EBF2: variants seen among roughly 807,000 people sequenced by gnomAD.
EBF2 encodes the protein EBF transcription factor 2.
A neutral mutation model predicts 72.8 loss-of-function variants in EBF2; 21 were observed. The observed-to-expected ratio is 0.29, with a 90% CI of 0.20 to 0.42. The LOEUF (loss-of-function observed/expected upper bound fraction) is 0.42, where lower values mean the gene tolerates loss of function less well. EBF2 is among the 10% of genes least tolerant of loss of function. The pLI, the probability that EBF2 is intolerant of heterozygous loss-of-function variation, is 1.00. For synonymous variants in EBF2, 299 were observed against 274.2 expected (o/e 1.09, Z -0.89); for missense variants, 637 against 731.2 (o/e 0.87, Z 1.49).
intron 6 of EBF2, among the ~76,000 whole-genome samples, chr8:26,000,037 C>A (rs1487103114): frequency 6.6e-6 from 1 of 152,150 alleles, no homozygotes; most frequent in East Asian, 1.9e-4. Context: ...AAACTCATAA[C>A]AGCGGGCCAT....
intron 6 of EBF2, among the ~76,000 whole-genome samples, chr8:26,020,169 T>C (rs1412600575): frequency 6.6e-6 from 1 of 152,178 alleles, no homozygotes; most frequent in African/African-American, 2.4e-5. Flanking sequence ...CTTTAAAAAC[T>C]CAGAAGCCAC....
In EBF2 at chr8:25,874,263, C is replaced by A. The variant is rs565569870; in HGVS notation, c.1010-11466G>T. On this transcript the variant is annotated intron_variant, in intron 10 of 15. Transcript: ENST00000520164. ...CACAGCTTTATGAAGGCAGGCCCCA[C>A]AATTCACACACAGCCTTGGGGAGGA... 4.1e-3 allele frequency among the ~76,000 whole-genome samples: 622 copies of A among 152,270 alleles called. 2 individuals are homozygous for A. Among genetic ancestry groups the A allele is most frequent in the Middle Eastern group, 0.01 (3 of 294 alleles).
At chr8:25,980,747 G>T (rs1370362688) in intron 6 of EBF2, among the ~76,000 whole-genome samples, 1 of 129,074 alleles carries the variant, frequency 7.7e-6, no homozygotes. Context: ...TTTCTAGACC[G>T]ATGACCTTTG....
chr8:25,845,125 A>ATT (rs531197690), intron 15 of EBF2, among the ~76,000 whole-genome samples: 42 of 149,476 alleles, frequency 2.8e-4, no homozygotes, highest in African/African-American at 9.8e-4. Context: ...TGGTGAGTGC[A>ATT]TTTTTTTTTT....
chr8:26,036,210 C>T (rs1476456502), intron 5 of EBF2, among the ~76,000 whole-genome samples: 1 of 152,176 alleles, frequency 6.6e-6, no homozygotes, highest in African/African-American at 2.4e-5. Flanking sequence ...ATTCAGCTGC[C>T]TTCCGTGGGG....
rs1801751412 is a variant in EBF2, at chr8:25,841,943, G to T, written c.*2666C>A. 6.6e-6 allele frequency: 1 copy of T among 152,178 alleles called. No individual in the cohort carries two copies. Among genetic ancestry groups the T allele is most frequent in the Non-Finnish European group, 1.5e-5 (1 of 68,022 alleles). The allele number at this position is 152,178 out of a possible 1,614,324, so 9.4% of individuals were successfully genotyped here. A position where few individuals can be genotyped will look rare whatever the true frequency, so the allele number is the denominator to read the frequency against. The stretch of plus-strand genomic sequence containing the variant: ...AAATGAAACTATACAGTGTGAAAAT[G>T]AAACCTTACTGTACAAAAGGTAGAG... On this transcript the variant is annotated 3_prime_UTR_variant, in exon 16 of 16. Transcript: ENST00000520164.
intron 4 of EBF2, 57 bp from the exon 5 acceptor site, chr8:26,040,158 A>G: frequency 1.3e-6 from 2 of 1,556,446 alleles, no homozygotes; most frequent in Non-Finnish European, 1.8e-6. Context: ...GGGGCAAGGA[A>G]AGAAGGGACT....
At position 26,042,256 on chromosome 8, in the gene EBF2, A is replaced by C; in HGVS notation, c.132-5T>G. 2 of 1,611,058 alleles carry C rather than the reference A, an allele frequency of 1.2e-6. No individual in the cohort carries two copies. Among genetic ancestry groups the C allele is most frequent in the Non-Finnish European group, 1.7e-6 (2 of 1,178,336 alleles). On this transcript the variant is annotated splice_region_variant and splice_polypyrimidine_tract_variant and intron_variant, in intron 1 of 15. Transcript: ENST00000520164. ...GCCCGGGACAGGGCGACCCCGCTGCACAGGGAGAAAAACGGGGGAACACAA... is the reference window on the plus strand; with the variant it reads ...GCCCGGGACAGGGCGACCCCGCTGCCCAGGGAGAAAAACGGGGGAACACAA...
intron 15 of EBF2, among the ~76,000 whole-genome samples, chr8:25,849,583 G>A (rs1028849667): frequency 2.0e-5 from 3 of 152,126 alleles, no homozygotes; most frequent in African/African-American, 7.2e-5. Flanking sequence ...CATGAGAGGA[G>A]CAGCCTAAAA....
intron 6 of EBF2, among the ~76,000 whole-genome samples, chr8:25,970,893 C>T (rs1347944175): frequency 2.0e-5 from 3 of 152,226 alleles, no homozygotes; most frequent in African/African-American, 2.4e-5. Flanking sequence ...AGTGCAGTGG[C>T]GCGATCACAG....
At chr8:25,885,697 C>CAA (rs1457558272) in intron 10 of EBF2, among the ~76,000 whole-genome samples, 9 of 152,180 alleles carry the variant, frequency 5.9e-5, no homozygotes, top group African/African-American at 2.2e-4. Flanking sequence ...TAGTGGGTTC[C>CAA]CCTTCACTTG....
intron 6 of EBF2, among the ~76,000 whole-genome samples, chr8:26,027,504 G>A (rs551966510): frequency 1.3e-5 from 2 of 152,362 alleles, no homozygotes; most frequent in South Asian, 4.1e-4. Flanking sequence ...TATAAACAAG[G>A]ATTGGTAAGG....
rs191407469 is a variant in EBF2 at position 25,930,005 on chromosome 8, A to T, written c.552-21450T>A. On this transcript the variant is annotated intron_variant, in intron 6 of 15. Coordinates refer to ENST00000520164, the MANE Select transcript of EBF2 (RefSeq NM_022659.4). ...AAAATAATGAGGCAGTATCTTATGA[A>T]GTGAATTTTCTATAATTACTTCAAT... Among the ~76,000 whole-genome samples, 48 of 152,366 alleles carry T rather than the reference A, an allele frequency of 3.2e-4. No homozygotes were observed. The East Asian group carries it at 9.3e-3, about 29-fold the overall frequency.
In EBF2 at chr8:26,044,990, A is replaced by G; in HGVS notation, c.-131T>C. 1 of 942,744 alleles carries G rather than the reference A, an allele frequency of 1.1e-6. No individual in the cohort carries two copies. The highest frequency in any genetic ancestry group is 2.0e-5 in the South Asian group (1 of 50,774). The allele number at this position is 942,744 out of a possible 1,614,324, so 58.4% of individuals were successfully genotyped here. ...AAAAGGGATCAAGTGCCCAAGTTTG[A>G]GTCTTAGAAAAAAAAAAAAGATAAC... On this transcript the variant is annotated 5_prime_UTR_variant, in exon 1 of 16. Transcript: ENST00000520164. The surrounding 1 kb of genome is among the most constrained non-coding windows in gnomAD (Gnocchi z 4.1).
intron 6 of EBF2, among the ~76,000 whole-genome samples, chr8:26,005,555 T>TAG (rs1489907148): frequency 0.01 from 317 of 30,830 alleles, 6 homozygotes; most frequent in African/African-American, 0.013. Flanking sequence ...TATATATATA[T>TAG]ATATATAGAG....
At chr8:25,866,843 G>A (rs998353487) in intron 10 of EBF2, among the ~76,000 whole-genome samples, 9 of 151,374 alleles carry the variant, frequency 5.9e-5, no homozygotes, top group East Asian at 1.9e-4. Context: ...TATTGGCCAC[G>A]CTGGTCACGA....
In EBF2 at chr8:25,869,251, T is replaced by C. The variant is rs1802388695; in HGVS notation, c.1010-6454A>G. Among the ~76,000 whole-genome samples, 4 of 152,290 alleles carry C rather than the reference T, an allele frequency of 2.6e-5. No individual in the cohort carries two copies. The South Asian group carries it at 8.3e-4, about 32-fold the overall frequency. ...ACATAAATGACAACTGCTCTGGATA[T>C]AGAATAGTTAAGTACACTCTCCCAT... On this transcript the variant is annotated intron_variant, in intron 10 of 15. Transcript: ENST00000520164.
chr8:26,021,388 T>A (rs1159851554), intron 6 of EBF2, among the ~76,000 whole-genome samples: 1 of 152,136 alleles, frequency 6.6e-6, no homozygotes, highest in Non-Finnish European at 1.5e-5. Context: ...AGGTAAAGAT[T>A]TAAAAATCAC....
rs758643946 is a variant in EBF2, at chr8:25,858,474, G to T, written c.1373C>A (p.Pro458Gln). The change falls in exon 14 of 16, where the codon CCG (proline) becomes CAG (glutamine). Residue 458 changes from proline to glutamine, a missense_variant. Transcript: ENST00000520164. ...GYIRNTSSIS[P>Q]RGYSSSSTPQ... is the part of the protein sequence containing the mutation. Reference sequence around the variant, plus strand: ...CGTGGAGCTGGAAGAGTATCCCCGCGGAGAGATGCTGCTTGTGTTGCGGAT... The same window carrying T: ...CGTGGAGCTGGAAGAGTATCCCCGCTGAGAGATGCTGCTTGTGTTGCGGAT... 6.2e-6 allele frequency: 10 copies of T among 1,613,786 alleles called. No homozygotes were observed. In the African/African-American group the frequency reaches 1.1e-4, roughly 17 times the overall value.
Sources: allele counts gnomAD v4.1 joint callset (sites outside exome capture counted in the v4.1 genomes callset), GRCh38; gene constraint gnomAD v4.1.1; non-coding constraint Gnocchi (gnomAD v3.1); transcripts MANE v1.5; gene names NCBI Gene and HGNC (gene_info 2026-07-23, HGNC 2026-07-21).